NMT1: variants seen among roughly 807,000 people sequenced by gnomAD.
NMT1 encodes N-myristoyltransferase 1, also known as glycylpeptide N-tetradecanoyltransferase 1.
In NMT1, 12 loss-of-function variants were observed where a neutral mutation model predicts 63.4. The observed-to-expected ratio is 0.19, with a 90% CI of 0.12 to 0.31. The LOEUF (loss-of-function observed/expected upper bound fraction) is 0.31. NMT1 is among the 10% of genes least tolerant of loss of function. The pLI, the probability that NMT1 is intolerant of heterozygous loss-of-function variation, is 1.00. For synonymous variants in NMT1, 228 were observed against 234.3 expected (o/e 0.97, Z 0.25); for missense variants, 432 against 634.6 (o/e 0.68, Z 3.43).
chr17:45,104,347 G>A lies in NMT1; in HGVS notation c.1332+471G>A, dbSNP rs560424073. 8.7e-7 allele frequency: 1 copy of A among 1,152,180 alleles called. No individual in the cohort carries two copies. Among genetic ancestry groups the A allele is most frequent in the Non-Finnish European group, 1.1e-6 (1 of 927,406 alleles). The allele number at this position is 1,152,180 out of a possible 1,614,324, so 71.4% of individuals were successfully genotyped here. On this transcript the variant is annotated intron_variant, in intron 10 of 11. Coordinates refer to ENST00000258960, the MANE Select transcript of NMT1 (RefSeq NM_021079.5). The surrounding 1 kb of genome is among the most constrained non-coding windows in gnomAD (Gnocchi z 4.2). ...GCCTGCTGTAGGCAATCTGGTCCCT[G>A]CCCTGTGAGAGCTTCTGCTCCAGTT...
intron 3 of NMT1, among the ~76,000 whole-genome samples, chr17:45,092,355 C>G (rs2054094061): frequency 6.6e-6 from 1 of 150,820 alleles, no homozygotes. Context: ...TCGTGTGCTG[C>G]AGCCTGATGC....
chr17:45,101,188 AAAAC>A (rs1479116421), intron 8 of NMT1, among the ~76,000 whole-genome samples: 1 of 151,664 alleles, frequency 6.6e-6, no homozygotes, highest in Non-Finnish European at 1.5e-5. Context: ...CATCTCAAAA[AAAAC>A]AACAACAACA....
At chr17:45,097,393 T>C in intron 6 of NMT1, 149 bp downstream of exon 6, 1 of 704,386 alleles carries the variant, frequency 1.4e-6, no homozygotes. Context: ...GACTGCAGAT[T>C]CATCCTAGGA....
In NMT1 at chr17:45,104,995, A is replaced by G. The variant is rs1449583852; in HGVS notation, c.1469A>G (p.Lys490Arg). The G allele has an allele frequency of 6.2e-7, 1 of 1,614,170 alleles. No individual in the cohort carries two copies. Among genetic ancestry groups the G allele is most frequent in the Admixed American group, 1.7e-5 (1 of 60,028 alleles). Residue 490 changes from lysine (K) to arginine (R), a missense_variant and splice_region_variant, in exon 11 of 12, where the codon AAG (lysine) becomes AGG (arginine). This residue lies in a region of NMT1 where 13 missense variants were observed against 16.7 expected (regional missense o/e 0.78). Coordinates refer to ENST00000258960, the MANE Select transcript of NMT1 (RefSeq NM_021079.5). The surrounding 1 kb of genome is among the most constrained non-coding windows in gnomAD (Gnocchi z 4.2). ...AAATGCCCCAGCATGGGGGCAGAGA[A>G]GGTAGGCGACACATAGCCAGAGTCC... ...NWKCPSMGAE[K>R]VGLVLQ
At chr17:45,070,544 G>A (rs1388417742) in intron 1 of NMT1, among the ~76,000 whole-genome samples, 1 of 152,104 alleles carries the variant, frequency 6.6e-6, no homozygotes, top group Non-Finnish European at 1.5e-5. Context: ...CAGCCTCCTG[G>A]GTAGCTGGGA....
intron 4 of NMT1, among the ~76,000 whole-genome samples, chr17:45,095,364 T>TC (rs1012100871): frequency 7.9e-5 from 12 of 152,260 alleles, no homozygotes; most frequent in African/African-American, 2.9e-4. Flanking sequence ...CACCTCAGCC[T>TC]CCCAAAGTGC....
chr17:45,074,230 T>TC (rs1200696140), intron 1 of NMT1, among the ~76,000 whole-genome samples: 1 of 147,692 alleles, frequency 6.8e-6, no homozygotes, highest in Admixed American at 6.8e-5. Flanking sequence ...TTTTTTTTTT[T>TC]TTGAGACAGA....
At chr17:45,072,439 T>C (rs1252123368) in intron 1 of NMT1, among the ~76,000 whole-genome samples, 2 of 150,862 alleles carry the variant, frequency 1.3e-5, no homozygotes, top group Non-Finnish European at 3.0e-5. Flanking sequence ...ATTTTTCTAT[T>C]TTTTTAGTAG....
chr17:45,080,469 T>C (rs1347320694), intron 1 of NMT1, among the ~76,000 whole-genome samples: 11 of 141,940 alleles, frequency 7.7e-5, no homozygotes, highest in Admixed American at 2.8e-4. Flanking sequence ...CTTTTCCTTT[T>C]TTTTTTTTTT....
intron 2 of NMT1, among the ~76,000 whole-genome samples, chr17:45,084,078 T>G (rs1049484433): frequency 6.6e-6 from 1 of 152,288 alleles, no homozygotes; most frequent in South Asian, 2.1e-4. Context: ...TTTATTAATC[T>G]AAGTCTGACA....
chr17:45,065,372 C>G (rs2143446748), intron 1 of NMT1, among the ~76,000 whole-genome samples: 1 of 152,186 alleles, frequency 6.6e-6, no homozygotes, highest in Non-Finnish European at 1.5e-5. Context: ...ACCTGTAATC[C>G]CAGCACTTTG....
Position 45,107,751 on chromosome 17 carries a change from G to A in NMT1, c.*2112G>A, listed in dbSNP as rs1490376937. The A allele has an allele frequency of 6.6e-6, 1 of 152,310 alleles. No homozygotes were observed. Among genetic ancestry groups the A allele is most frequent in the Non-Finnish European group, 1.5e-5 (1 of 68,116 alleles). 9.4% of individuals were successfully genotyped at this position (152,310 alleles called of 1,614,324 possible). ...TGAGATTTGGGCTGTGCGGATCTCT[G>A]GAGTGAGCTCTGTTTCGGTTGACCC... is the stretch of plus-strand genomic sequence containing the variant. On this transcript the variant is annotated 3_prime_UTR_variant, in exon 12 of 12. Transcript: ENST00000258960.
chr17:45,063,232 C>G (rs4280297), intron 1 of NMT1, among the ~76,000 whole-genome samples: 32,324 of 144,770 alleles, frequency 0.22, 4,131 homozygotes, highest in African/African-American at 0.33. Context: ...AAAAAAATCA[C>G]AGGAAGAAAG....
In NMT1 at chr17:45,105,399, G is replaced by A. The variant is rs903817118; in HGVS notation, c.1471-220G>A. 6.6e-6 allele frequency among the ~76,000 whole-genome samples: 1 copy of A among 152,190 alleles called. No individual in the cohort carries two copies. Among genetic ancestry groups the A allele is most frequent in the Non-Finnish European group, 1.5e-5 (1 of 68,038 alleles). The stretch of plus-strand genomic sequence containing the variant: ...CTCCCCCAGTGCCACAGGGGACATA[G>A]GGGTGAGCTGGAGCGTGGGCCAGTT... On this transcript the variant is annotated intron_variant, in intron 11 of 11. Coordinates refer to ENST00000258960, the MANE Select transcript of NMT1 (RefSeq NM_021079.5). This position sits in a 1 kb window ranked among gnomAD's most constrained non-coding sequence, Gnocchi z 4.2.
intron 8 of NMT1, among the ~76,000 whole-genome samples, chr17:45,101,973 TGCA>T (rs918114022): frequency 6.6e-5 from 10 of 152,242 alleles, no homozygotes; most frequent in Non-Finnish European, 1.3e-4. Context: ...CTTAGAGTGC[TGCA>T]GCAGCAGAAG....
At chr17:45,071,700 C>T (rs1438401485) in intron 1 of NMT1, among the ~76,000 whole-genome samples, 3 of 152,072 alleles carry the variant, frequency 2.0e-5, no homozygotes, top group Non-Finnish European at 4.4e-5. Flanking sequence ...GAAGTAGTTA[C>T]ATTAGAGCTT....
chr17:45,097,282 G>T (rs748003438), intron 6 of NMT1, 38 bp downstream of exon 6: 7 of 1,425,944 alleles, frequency 4.9e-6, no homozygotes, highest in Non-Finnish European at 5.9e-6. Context: ...CCACAACACC[G>T]CCATCCTGCT....
chr17:45,089,991 G>T (rs193026551), intron 3 of NMT1, among the ~76,000 whole-genome samples: 1 of 152,096 alleles, frequency 6.6e-6, no homozygotes, highest in Admixed American at 6.5e-5. Flanking sequence ...CCATGGAAAG[G>T]CCTTCTTAGG....
chr17:45,061,687 C>T (rs1453127306), intron 1 of NMT1: 2 of 476,704 alleles, frequency 4.2e-6, no homozygotes, highest in Admixed American at 7.9e-5. Context: ...TATAAAAGTT[C>T]TATGCAGTGT....
Sources: allele counts gnomAD v4.1 joint callset (sites outside exome capture counted in the v4.1 genomes callset), GRCh38; gene constraint gnomAD v4.1.1; regional missense constraint gnomAD v4.1.1; non-coding constraint Gnocchi (gnomAD v3.1); transcripts MANE v1.5; gene names NCBI Gene and HGNC (gene_info 2026-07-23, HGNC 2026-07-21).